The following CDKL1 variants were observed in gnomAD, a reference collection of about 807,000 sequenced individuals.
The protein encoded by CDKL1 is cyclin dependent kinase like 1, also known as cyclin-dependent kinase-like 1.
In CDKL1, 41 loss-of-function variants were observed where a neutral mutation model predicts 42.0. That is an observed-to-expected ratio of 0.98 (90% CI 0.76 to 1.27). The LOEUF (loss-of-function observed/expected upper bound fraction) is 1.27, where lower values mean the gene tolerates loss of function less well. Among genes scored for constraint, CDKL1 ranks in the 50% most tolerant of loss-of-function variants. The probability of loss-of-function intolerance (pLI) is 0.00; values close to 1 mark genes in which losing one functional copy is unlikely to be tolerated. For synonymous variants in CDKL1, 153 were observed against 158.6 expected, an observed-to-expected ratio of 0.96 and a Z score of 0.26; for missense variants, 394 against 428.4, an observed-to-expected ratio of 0.92 and a Z score of 0.71.
At chr14:50,378,493 A>T (rs911139518) in intron 2 of CDKL1, 18 of 1,299,458 alleles carry the variant, frequency 1.4e-5, no homozygotes, top group Middle Eastern at 2.3e-4. Flanking sequence ...TTGGGACTTA[A>T]TTCTTGACAA....
intron 2 of CDKL1, among the ~76,000 whole-genome samples, chr14:50,380,812 T>TTTTTTTTTTTTTTTG (rs1447417583): frequency 6.2e-4 from 93 of 150,574 alleles, no homozygotes; most frequent in Admixed American, 6.6e-4. Flanking sequence ...CTTTTTTTTT[T>TTTTTTTTTTTTTTTG]GGGACAGAGC....
chr14:50,335,572 A>T, intron 7 of CDKL1: 1 of 1,535,698 alleles, frequency 6.5e-7, no homozygotes, highest in Non-Finnish European at 8.7e-7. Context: ...TATAAATGGG[A>T]GGAATGCCGA....
At chr14:50,352,908 T>C (rs1469719267) in intron 3 of CDKL1, among the ~76,000 whole-genome samples, 1 of 152,216 alleles carries the variant, frequency 6.6e-6, no homozygotes, top group Admixed American at 6.5e-5. Context: ...TTGTAGACAA[T>C]TTCATAAAGA....
At chr14:50,344,471 T>G (rs138874516) in intron 4 of CDKL1, among the ~76,000 whole-genome samples, 55,307 of 136,104 alleles carry the variant, frequency 0.41, 11,376 homozygotes, top group East Asian at 0.76. Flanking sequence ...CTTTGTGGTT[T>G]TTTTTTTTTT....
rs1211356988 is a variant in CDKL1 at position 50,365,126 on chromosome 14, T to C, written c.169-5977A>G. 2.0e-5 allele frequency among the ~76,000 whole-genome samples: 3 copies of C among 152,144 alleles called. No individual in the cohort carries two copies. In the East Asian group the frequency reaches 5.8e-4, roughly 29 times the overall value. On this transcript the variant is annotated intron_variant, in intron 2 of 9. Coordinates refer to ENST00000395834, the MANE Select transcript of CDKL1 (RefSeq NM_004196.7). ...TGGGCACCATCTAGAGCCCCAGAAA[T>C]GTGGCTCTAACTAGATAGAGTCAAA...
intron 3 of CDKL1, among the ~76,000 whole-genome samples, chr14:50,345,488 A>AAGATG (rs2033695349): frequency 6.6e-6 from 1 of 152,218 alleles, no homozygotes; most frequent in Non-Finnish European, 1.5e-5. Flanking sequence ...GACAGCCTTG[A>AAGATG]AGCAGGACTC....
intron 2 of CDKL1, among the ~76,000 whole-genome samples, chr14:50,389,551 G>A: frequency 6.6e-6 from 1 of 151,996 alleles, no homozygotes; most frequent in East Asian, 1.9e-4. Flanking sequence ...ATGAATCTCT[G>A]CATTACGTTG....
In CDKL1 at chr14:50,378,269, G is replaced by T; in HGVS notation, c.168+17432C>A. 2.2e-6 allele frequency: 3 copies of T among 1,366,476 alleles called. No individual in the cohort carries two copies. In the South Asian group the frequency reaches 3.4e-5, roughly 16 times the overall value. The allele number at this position is 1,366,476 out of a possible 1,614,324, so 84.6% of individuals were successfully genotyped here. On this transcript the variant is annotated intron_variant, in intron 2 of 9. Transcript: ENST00000395834. Reference sequence around the variant, plus strand: ...AGATTCTACCCCACCTCCTTCTAGGGCCCACGGACCTATAATAGGATGAGG... The same window carrying T: ...AGATTCTACCCCACCTCCTTCTAGGTCCCACGGACCTATAATAGGATGAGG...
chr14:50,380,960 C>T (rs2034889972), intron 2 of CDKL1, among the ~76,000 whole-genome samples: 1 of 152,130 alleles, frequency 6.6e-6, no homozygotes, highest in Non-Finnish European at 1.5e-5. Flanking sequence ...CACCACCATG[C>T]CCAGCTGTAT....
intron 2 of CDKL1, among the ~76,000 whole-genome samples, chr14:50,389,656 A>G (rs1403049480): frequency 6.6e-6 from 1 of 152,184 alleles, no homozygotes; most frequent in Non-Finnish European, 1.5e-5. Context: ...ACAAAGGTTT[A>G]GAAGGCTATT....
intron 3 of CDKL1, 43 bp downstream of exon 3, chr14:50,358,985 C>G (rs991273964): frequency 1.3e-6 from 2 of 1,581,560 alleles, no homozygotes; most frequent in African/African-American, 2.7e-5. Context: ...GCTCACAAAT[C>G]CCAGTGTGTC....
At chr14:50,335,947 G>A in intron 7 of CDKL1, 1 of 1,354,214 alleles carries the variant, frequency 7.4e-7, no homozygotes, top group South Asian at 1.2e-5. Flanking sequence ...AAGTAGGTTT[G>A]TATTAGCCCT....
At chr14:50,335,443 C>T in intron 7 of CDKL1, 1 of 1,529,420 alleles carries the variant, frequency 6.5e-7, no homozygotes, top group Non-Finnish European at 8.8e-7. Context: ...CTAGGGCCTG[C>T]TGCTTCCCTT....
chr14:50,347,122 T>C (rs1391782449), intron 3 of CDKL1, among the ~76,000 whole-genome samples: 1 of 152,192 alleles, frequency 6.6e-6, no homozygotes, highest in Non-Finnish European at 1.5e-5. Context: ...AACTCTCAAA[T>C]GTAAAAACTC....
chr14:50,375,294 GATGA>G (rs1163851491), intron 2 of CDKL1, among the ~76,000 whole-genome samples: 1 of 152,162 alleles, frequency 6.6e-6, no homozygotes, highest in African/African-American at 2.4e-5. Context: ...TGATTGACTG[GATGA>G]ATGAATAAAC....
chr14:50,392,809 T>G (rs2035296941), intron 2 of CDKL1, among the ~76,000 whole-genome samples: 1 of 152,178 alleles, frequency 6.6e-6, no homozygotes, highest in Admixed American at 6.5e-5. Flanking sequence ...GCTCTTCATC[T>G]CCTTTCCCCC....
chr14:50,395,018 G>C (rs964788162), intron 2 of CDKL1, among the ~76,000 whole-genome samples: 6 of 152,132 alleles, frequency 3.9e-5, no homozygotes, highest in African/African-American at 1.4e-4. Context: ...ACTTCTTTAA[G>C]AAAAACGCTT....
At chr14:50,344,863 C>A (rs2033675840) in intron 4 of CDKL1, 123 bp downstream of exon 4, 2 of 725,734 alleles carry the variant, frequency 2.8e-6, no homozygotes, top group South Asian at 3.6e-5. Context: ...ACTTACCCAA[C>A]CAGGCTTATG....
intron 2 of CDKL1, among the ~76,000 whole-genome samples, chr14:50,385,163 A>T (rs1171416802): frequency 6.6e-6 from 1 of 150,824 alleles, no homozygotes; most frequent in Non-Finnish European, 1.5e-5. Flanking sequence ...TCAAAATATC[A>T]CCCCACAGAT....
Sources: gnomAD v4.1 joint callset for allele counts (sites outside exome capture counted in the v4.1 genomes callset) on GRCh38, gnomAD v4.1.1 for gene constraint, MANE v1.5 for transcripts, NCBI Gene and HGNC (gene_info 2026-07-23, HGNC 2026-07-21) for gene names.